The following ZNF730 variants were observed in gnomAD, a reference collection of about 807,000 sequenced individuals.
ZNF730 encodes zinc finger protein 730.
A neutral mutation model predicts 12.6 loss-of-function variants in ZNF730; 12 were observed. That is an observed-to-expected ratio of 0.95 (90% CI 0.61 to 1.54). The LOEUF (loss-of-function observed/expected upper bound fraction) is 1.54. ZNF730 is among the 40% of genes most tolerant of loss of function. The probability of loss-of-function intolerance (pLI) is 0.00; values close to 1 mark genes in which losing one functional copy is unlikely to be tolerated. For synonymous variants in ZNF730, 194 were observed against 195.8 expected, an observed-to-expected ratio of 0.99 and a Z score of 0.08; for missense variants, 643 against 583.5, an observed-to-expected ratio of 1.10 and a Z score of -1.05.
chr19:23,145,728 C>T lies in ZNF730; in HGVS notation c.684C>T (p.Tyr228=). 1 of 1,558,414 alleles carries T rather than the reference C, an allele frequency of 6.4e-7. No homozygotes were observed. Among genetic ancestry groups the T allele is most frequent in the Non-Finnish European group, 8.7e-7 (1 of 1,152,998 alleles). The change falls in exon 4 of 4, where the codon TAC becomes TAT. Residue 228 remains tyrosine (Y), a synonymous_variant. Transcript: ENST00000597761. ...AAAGAATTACTGAGAAAAAACCTTACAAATGTAAAGAATGTGGCAAAGCCT... is the reference window on the plus strand; with the variant it reads ...AAAGAATTACTGAGAAAAAACCTTATAAATGTAAAGAATGTGGCAAAGCCT... The part of the protein sequence containing the change: ...THKRITEKKP[Y]KCKECGKAFN...
At chr19:23,112,403 A>G (rs1453926972), upstream of ZNF730, among the ~76,000 whole-genome samples, 3 of 152,154 alleles carry the variant, frequency 2.0e-5, no homozygotes, top group South Asian at 4.1e-4. Flanking sequence ...CAACGTGTGA[A>G]AAAACATAAC....
chr19:23,109,534 G>A (rs1025954104), intron 1 of ZNF730, among the ~76,000 whole-genome samples: 23 of 151,000 alleles, frequency 1.5e-4, no homozygotes, highest in African/African-American at 5.1e-4. Flanking sequence ...TCAGCCTCCC[G>A]AGTAGCTGGG....
At position 23,140,797 on chromosome 19, in the gene ZNF730, C is replaced by A. The variant is rs1970905756; in HGVS notation, c.227-4474C>A. 1.3e-5 allele frequency among the ~76,000 whole-genome samples: 2 copies of A among 151,154 alleles called. 1 individual carries two copies. The highest frequency in any genetic ancestry group is 4.9e-5 in the African/African-American group (2 of 41,066). ...TGAAACCCCATCTCTACTAAAAATA[C>A]AAAAATTGGCCAGGCATGGTGGCCA... On this transcript the variant is annotated intron_variant, in intron 3 of 3. Transcript: ENST00000597761.
chr19:23,106,557 C>T (rs532245608), intron 1 of ZNF730, among the ~76,000 whole-genome samples: 7 of 151,770 alleles, frequency 4.6e-5, no homozygotes, highest in East Asian at 3.9e-4. Flanking sequence ...TTTGGGAGGC[C>T]GAGGCAGGTG....
chr19:23,127,365 G>A (rs1025817305), intron 1 of ZNF730: 36 of 718,554 alleles, frequency 5.0e-5, no homozygotes, highest in Non-Finnish European at 2.8e-5. Context: ...AACACTTCAT[G>A]CATCACAACT....
chr19:23,119,321 T>C (rs1814427582), intron 1 of ZNF730, among the ~76,000 whole-genome samples: 1 of 152,264 alleles, frequency 6.6e-6, no homozygotes, highest in South Asian at 2.1e-4. Flanking sequence ...TTTGTTTATC[T>C]GATTAATCAA....
At chr19:23,076,464 C>T (rs1969863639) in intron 1 of ZNF730, among the ~76,000 whole-genome samples, 1 of 152,176 alleles carries the variant, frequency 6.6e-6, no homozygotes, top group South Asian at 2.1e-4. Context: ...GGGCCCTTTA[C>T]AGCAGCCCTC....
upstream of ZNF730, among the ~76,000 whole-genome samples, chr19:23,116,335 TC>T (rs1568310182): frequency 2.0e-5 from 3 of 148,226 alleles, no homozygotes; most frequent in East Asian, 5.9e-4. Context: ...TTTCTTTCTT[TC>T]CTTTCTTTCC....
chr19:23,138,239 C>G (rs1323387417), intron 3 of ZNF730, among the ~76,000 whole-genome samples: 2 of 14,972 alleles, frequency 1.3e-4, no homozygotes, highest in African/African-American at 2.4e-4. Context: ...GCCGAGATCC[C>G]GCCACTGCAC....
At chr19:23,113,852 C>G (rs1970483081), upstream of ZNF730, among the ~76,000 whole-genome samples, 1 of 152,188 alleles carries the variant, frequency 6.6e-6, no homozygotes, top group Non-Finnish European at 1.5e-5. Context: ...AAGTTTTGGT[C>G]TATCAAAATT....
chr19:23,082,644 G>A (rs1287266997), intron 1 of ZNF730, among the ~76,000 whole-genome samples: 1 of 152,090 alleles, frequency 6.6e-6, no homozygotes, highest in Non-Finnish European at 1.5e-5. Context: ...ACAGCGCCTG[G>A]CATAATTTTT....
upstream of ZNF730, chr19:23,116,925 GCGGGGCC>G: frequency 2.7e-4 from 25 of 91,268 alleles, no homozygotes; most frequent in Admixed American, 7.8e-4. Flanking sequence ...GCCTGAGGGG[GCGGGGCC>G]TTAAACGTTA....
intron 1 of ZNF730, among the ~76,000 whole-genome samples, chr19:23,089,614 G>T (rs1055800395): frequency 6.6e-6 from 1 of 152,200 alleles, no homozygotes. Context: ...CTGCTGTGAT[G>T]TAAGAAGTGC....
At chr19:23,123,007 A>C (rs1311662552) in intron 1 of ZNF730, among the ~76,000 whole-genome samples, 1 of 152,212 alleles carries the variant, frequency 6.6e-6, no homozygotes, top group Non-Finnish European at 1.5e-5. Flanking sequence ...CCAATAGGAT[A>C]ATTATAGGTA....
chr19:23,104,702 CA>C (rs1970372036), intron 1 of ZNF730, among the ~76,000 whole-genome samples: 1 of 152,098 alleles, frequency 6.6e-6, no homozygotes, highest in Non-Finnish European at 1.5e-5. Flanking sequence ...TTGTTTTAAC[CA>C]AGGCTTTGAC....
At chr19:23,140,104 T>C (rs1217782118) in intron 3 of ZNF730, among the ~76,000 whole-genome samples, 1 of 152,072 alleles carries the variant, frequency 6.6e-6, no homozygotes, top group East Asian at 1.9e-4. Flanking sequence ...TCTATAAATA[T>C]GACCCCTACT....
intron 1 of ZNF730, among the ~76,000 whole-genome samples, chr19:23,104,431 G>C (rs1435321589): frequency 6.6e-6 from 1 of 151,966 alleles, no homozygotes; most frequent in Admixed American, 6.6e-5. Context: ...CTTTTGCTTG[G>C]TATATTGCTG....
chr19:23,083,195 G>T (rs959252847), intron 1 of ZNF730, among the ~76,000 whole-genome samples: 1 of 152,032 alleles, frequency 6.6e-6, no homozygotes, highest in Non-Finnish European at 1.5e-5. Flanking sequence ...GGAGGCTGAG[G>T]CCGGCTGATC....
At chr19:23,090,238 C>T (rs2145483282) in intron 1 of ZNF730, among the ~76,000 whole-genome samples, 1 of 149,650 alleles carries the variant, frequency 6.7e-6, no homozygotes, top group Non-Finnish European at 1.5e-5. Context: ...AAATGAGACT[C>T]CATCTCAAAG....
Sources: allele counts gnomAD v4.1 joint callset (sites outside exome capture counted in the v4.1 genomes callset), GRCh38; gene constraint gnomAD v4.1.1; transcripts MANE v1.5; gene names NCBI Gene and HGNC (gene_info 2026-07-23, HGNC 2026-07-21).